The following SLC25A26 variants were observed in gnomAD, a reference collection of about 807,000 sequenced individuals.
SLC25A26 encodes solute carrier family 25 member 26.
SLC25A26 carries 36 observed loss-of-function variants against 37.8 expected under a neutral mutation model. The ratio of observed to expected loss-of-function variants is 0.95; its 90% CI spans 0.73 to 1.26. The LOEUF (loss-of-function observed/expected upper bound fraction) is 1.26, where lower values mean the gene tolerates loss of function less well. SLC25A26 is among the 50% of genes most tolerant of loss of function. The pLI is 0.00. For missense variants in SLC25A26, 390 were observed against 331.1 expected (o/e 1.18, Z -1.38); for synonymous variants, 129 against 122.5 (o/e 1.05, Z -0.35).
rs1218122781 is a variant in SLC25A26 at position 66,378,903 on chromosome 3, T to C, written c.*1096T>C. 6.6e-6 allele frequency: 1 copy of C among 152,652 alleles called. No homozygotes were observed. Among genetic ancestry groups the C allele is most frequent in the Non-Finnish European group, 1.5e-5 (1 of 68,042 alleles). 9.5% of individuals were successfully genotyped at this position (152,652 alleles called of 1,614,324 possible). ...TACACTGTACCAAAATTTCTATAAA[T>C]AAATAACTTTGTACATAAAAGTAAT... On this transcript the variant is annotated 3_prime_UTR_variant, in exon 10 of 10. Coordinates refer to ENST00000354883, the MANE Select transcript of SLC25A26 (RefSeq NM_001379210.1).
Position 66,243,215 on chromosome 3 carries a change from T to G in SLC25A26, c.203T>G (p.Phe68Cys), listed in dbSNP as rs782365157. The G allele has an allele frequency of 5.0e-6, 8 of 1,590,274 alleles. No individual in the cohort carries two copies. Among genetic ancestry groups the G allele is most frequent in the Non-Finnish European group, 6.9e-6 (8 of 1,163,546 alleles). The stretch of plus-strand genomic sequence containing the variant: ...TTTTAAATTTCAGCTGCTGCATTTT[T>G]TATCACCTATGAATATGTGAAGTGG... ...IGSFPNAAAF[F>C]ITYEYVKWFL... Residue 68 changes from phenylalanine (F) to cysteine (C), a missense_variant, in exon 3 of 10, where the codon TTT (phenylalanine) becomes TGT (cysteine). Physicochemically the swap from Phe to Cys is radical, Grantham distance 205. Transcript: ENST00000354883.
rs2070393306 is a variant in SLC25A26 at position 66,163,995 on chromosome 3, C to A, written c.-354+30011C>A. 3.9e-5 allele frequency among the ~76,000 whole-genome samples: 6 copies of A among 152,194 alleles called. No individual in the cohort carries two copies. The South Asian group carries it at 1.2e-3, about 32-fold the overall frequency. ...AAACATCCTTTAATGTACAGGGAAG[C>A]CCCTATAGTAAAAAAGTTATCTGGC... On this transcript the variant is annotated intron_variant, in intron 1 of 10. Transcript: ENST00000676754.
chr3:66,318,929 C>T (rs1014421799), intron 5 of SLC25A26, among the ~76,000 whole-genome samples: 1 of 152,150 alleles, frequency 6.6e-6, no homozygotes, highest in Non-Finnish European at 1.5e-5. Context: ...GGATTACAGA[C>T]ACGAACCACC....
At chr3:66,306,333 A>C (rs2075220675) in intron 5 of SLC25A26, among the ~76,000 whole-genome samples, 1 of 151,628 alleles carries the variant, frequency 6.6e-6, no homozygotes, top group Non-Finnish European at 1.5e-5. Flanking sequence ...ACGGTATCTC[A>C]TTGTGGTTTT....
At chr3:66,242,655 G>A (rs1006847133) in intron 2 of SLC25A26, among the ~76,000 whole-genome samples, 1 of 146,384 alleles carries the variant, frequency 6.8e-6, no homozygotes, top group East Asian at 2.0e-4. Context: ...TGTGATAGGG[G>A]TAGCTTTTTA....
chr3:66,267,296 A>G (rs1485888979), intron 5 of SLC25A26, among the ~76,000 whole-genome samples: 1 of 152,218 alleles, frequency 6.6e-6, no homozygotes, highest in Non-Finnish European at 1.5e-5. Context: ...GCAAAGCCAT[A>G]AGGGTGTGAA....
At chr3:66,303,488 A>C (rs1334973332) in intron 5 of SLC25A26, among the ~76,000 whole-genome samples, 1 of 152,222 alleles carries the variant, frequency 6.6e-6, no homozygotes, top group Non-Finnish European at 1.5e-5. Context: ...CTTCCAGGTA[A>C]GATTAGGCTG....
At chr3:66,310,797 T>C (rs568079680) in intron 5 of SLC25A26, among the ~76,000 whole-genome samples, 1 of 152,358 alleles carries the variant, frequency 6.6e-6, no homozygotes, top group Admixed American at 6.5e-5. Flanking sequence ...AGTTCTTTTC[T>C]TTAAGAATGT....
intron 5 of SLC25A26, among the ~76,000 whole-genome samples, chr3:66,340,715 C>T (rs1215676542): frequency 6.6e-6 from 1 of 151,998 alleles, no homozygotes; most frequent in Non-Finnish European, 1.5e-5. Context: ...CGCCTTGTTA[C>T]TCTGATCACT....
intron 5 of SLC25A26, among the ~76,000 whole-genome samples, chr3:66,271,388 C>T (rs1476247494): frequency 6.6e-6 from 1 of 152,122 alleles, no homozygotes; most frequent in Non-Finnish European, 1.5e-5. Flanking sequence ...GCCTGGCTAA[C>T]TTTAATGCTC....
chr3:66,344,384 G>T (rs1226366743), intron 5 of SLC25A26, among the ~76,000 whole-genome samples: 1 of 151,842 alleles, frequency 6.6e-6, no homozygotes, highest in Non-Finnish European at 1.5e-5. Context: ...AATTGCTTGA[G>T]CCCAGGAGAT....
intron 1 of SLC25A26, among the ~76,000 whole-genome samples, chr3:66,197,432 A>G (rs904295794): frequency 6.6e-6 from 1 of 152,174 alleles, no homozygotes. Context: ...AAGGATCAGG[A>G]TAAGTCTCAG....
chr3:66,168,317 A>G (rs2070453701), intron 1 of SLC25A26, among the ~76,000 whole-genome samples: 2 of 151,934 alleles, frequency 1.3e-5, no homozygotes, highest in South Asian at 4.1e-4. Context: ...GTTAAATGGC[A>G]GTGAAATGGC....
chr3:66,235,502 G>C (rs1353329607), intron 1 of SLC25A26, among the ~76,000 whole-genome samples: 1 of 152,016 alleles, frequency 6.6e-6, no homozygotes, highest in Non-Finnish European at 1.5e-5. Context: ...AAATTATCAA[G>C]GAATTTTCAA....
rs75515993 is a variant in SLC25A26, at chr3:66,296,674, TTAA to T, written c.453+33300_453+33302del. 2.1e-3 allele frequency among the ~76,000 whole-genome samples: 316 copies of T among 152,352 alleles called. 2 individuals carry two copies. The Middle Eastern group carries it at 0.024, about 11-fold the overall frequency. On this transcript the variant is annotated intron_variant, in intron 5 of 9. Transcript: ENST00000354883. The stretch of plus-strand genomic sequence containing the variant: ...TTATTAGCTAAATATTATATTTAAC[TTAA>T]TAATTATTTAATCACTAGAATGAAA...
chr3:66,201,022 C>G (rs1663536611), intron 1 of SLC25A26, among the ~76,000 whole-genome samples: 1 of 152,140 alleles, frequency 6.6e-6, no homozygotes, highest in Non-Finnish European at 1.5e-5. Context: ...TTTCTGCATG[C>G]AGCAATTCAC....
At chr3:66,246,203 C>A (rs768971797) in intron 3 of SLC25A26, among the ~76,000 whole-genome samples, 17 of 152,156 alleles carry the variant, frequency 1.1e-4, no homozygotes, top group Non-Finnish European at 2.4e-4. Flanking sequence ...AGTCTCGTTA[C>A]ATGCAGTTAG....
intron 1 of SLC25A26, among the ~76,000 whole-genome samples, chr3:66,162,129 T>C (rs775027360): frequency 1.3e-5 from 2 of 152,180 alleles, no homozygotes; most frequent in Non-Finnish European, 2.9e-5. Context: ...GCCTTCCAGA[T>C]GGCCATCTTC....
At chr3:66,146,564 T>C (rs1352234672) in intron 1 of SLC25A26, among the ~76,000 whole-genome samples, 2 of 152,160 alleles carry the variant, frequency 1.3e-5, no homozygotes, top group African/African-American at 4.8e-5. Flanking sequence ...AGAAAACTAA[T>C]ATAAGCAAAG....
Sources: allele counts gnomAD v4.1 joint callset (sites outside exome capture counted in the v4.1 genomes callset), GRCh38; gene constraint gnomAD v4.1.1; transcripts MANE v1.5; gene names NCBI Gene and HGNC (gene_info 2026-07-23, HGNC 2026-07-21).